KPNB1: variants seen among roughly 807,000 people sequenced by gnomAD.
KPNB1 encodes the protein importin subunit beta-1.
KPNB1 carries 7 observed loss-of-function variants against 113.0 expected under a neutral mutation model. The ratio of observed to expected loss-of-function variants is 0.06; its 90% CI spans 0.04 to 0.12. KPNB1 has a LOEUF of 0.12. Ranked by LOEUF, KPNB1 falls within the 10% of genes least tolerant of loss-of-function variation. The pLI is 1.00. For synonymous variants in KPNB1, 363 were observed against 378.6 expected, an observed-to-expected ratio of 0.96 and a Z score of 0.48; for missense variants, 400 against 1,054.8, an observed-to-expected ratio of 0.38 and a Z score of 8.60.
intron 13 of KPNB1, 117 bp downstream of exon 13, chr17:47,673,282 A>C: frequency 9.1e-7 from 1 of 1,102,556 alleles, no homozygotes; most frequent in East Asian, 2.4e-5. Flanking sequence ...TTTCTCAGAA[A>C]GATAATAAAG....
chr17:47,681,080 T>C (rs2030759920), intron 21 of KPNB1, among the ~76,000 whole-genome samples: 1 of 151,426 alleles, frequency 6.6e-6, no homozygotes, highest in East Asian at 1.9e-4. Flanking sequence ...TGTGTGTGTG[T>C]TTTCTTTTTG....
intron 21 of KPNB1, among the ~76,000 whole-genome samples, chr17:47,681,957 C>G (rs1038231087): frequency 6.6e-6 from 1 of 152,120 alleles, no homozygotes; most frequent in Non-Finnish European, 1.5e-5. Flanking sequence ...CTCAGCCTCC[C>G]AGGTGGTTGG....
At chr17:47,675,358 G>GTTTTTTTTTTTTTTTTTTTTTTTTTTT (rs1555619221) in intron 15 of KPNB1, among the ~76,000 whole-genome samples, 3 of 88,858 alleles carry the variant, frequency 3.4e-5, no homozygotes, top group Non-Finnish European at 4.9e-5. Flanking sequence ...TGGCAGAGGT[G>GTTTTTTTTTTTTTTTTTTTTTTTTTTT]TTGTTTTTTT....
intron 18 of KPNB1, 38 bp from the exon 19 acceptor site, chr17:47,678,270 A>G (rs2030670672): frequency 1.2e-6 from 2 of 1,609,104 alleles, no homozygotes; most frequent in Non-Finnish European, 1.7e-6. Flanking sequence ...GCTAAAAGTG[A>G]TCAGTGTGAT....
intron 5 of KPNB1, among the ~76,000 whole-genome samples, chr17:47,660,189 T>TA (rs983442463): frequency 5.8e-4 from 89 of 152,276 alleles, no homozygotes; most frequent in African/African-American, 1.9e-3. Context: ...TCTAACGAAA[T>TA]ACCTTACGTA....
chr17:47,670,974 C>A (rs989140236), intron 12 of KPNB1, 142 bp downstream of exon 12: 1 of 787,944 alleles, frequency 1.3e-6, no homozygotes, highest in Non-Finnish European at 1.9e-6. Flanking sequence ...AAAAGAAACC[C>A]GCTGGGCGCG....
At chr17:47,652,597 C>T (rs1368865573) in intron 2 of KPNB1, 97 bp from the exon 3 acceptor site, 2 of 940,170 alleles carry the variant, frequency 2.1e-6, no homozygotes. Context: ...AGTTCCCCCC[C>T]TCGCCGCCCC....
In KPNB1 at chr17:47,650,362, C is replaced by G. The variant is rs377729225; in HGVS notation, c.41-24C>G. Reference sequence around the variant, plus strand: ...AGGCCCGGCCCCTCTGACCCCGCTCCGTCTCCCACTTTCCTCCCCCTAGAT... The same window carrying G: ...AGGCCCGGCCCCTCTGACCCCGCTCGGTCTCCCACTTTCCTCCCCCTAGAT... On this transcript the variant is annotated intron_variant, in intron 1 of 21. Coordinates refer to ENST00000290158, the MANE Select transcript of KPNB1 (RefSeq NM_002265.6). 6 of 1,611,282 alleles carry G rather than the reference C, an allele frequency of 3.7e-6. No homozygotes were observed. The East Asian group carries it at 8.9e-5, about 24-fold the overall frequency.
At chr17:47,681,110 C>T (rs1221127263) in intron 21 of KPNB1, among the ~76,000 whole-genome samples, 2 of 151,904 alleles carry the variant, frequency 1.3e-5, no homozygotes, top group Admixed American at 6.6e-5. Context: ...CTCACTGTCG[C>T]CCAGGCTGGA....
intron 17 of KPNB1, among the ~76,000 whole-genome samples, chr17:47,677,457 A>G (rs2030647659): frequency 6.9e-6 from 1 of 144,084 alleles, no homozygotes. Flanking sequence ...GGGCAAGAAG[A>G]GCCAAACTCC....
At position 47,663,133 on chromosome 17, in the gene KPNB1, A is replaced by G. The variant is rs1831442570; in HGVS notation, c.741A>G (p.Leu247=). 1 of 1,599,660 alleles carries G rather than the reference A, an allele frequency of 6.3e-7. No individual in the cohort carries two copies. Among genetic ancestry groups the G allele is most frequent in the Non-Finnish European group, 8.6e-7 (1 of 1,167,000 alleles). The part of the protein sequence containing the change: ...ALQNLVKIMS[L]YYQYMETYMG... Reference sequence around the variant, plus strand: ...AGAATCTGGTGAAGATAATGTCCTTATATTATCAGTACATGGAGACATATA... The same window carrying G: ...AGAATCTGGTGAAGATAATGTCCTTGTATTATCAGTACATGGAGACATATA... The change falls in exon 7 of 22, where the codon TTA becomes TTG. Residue 247 remains leucine, a synonymous_variant. Coordinates refer to ENST00000290158, the MANE Select transcript of KPNB1 (RefSeq NM_002265.6).
chr17:47,650,684 C>T (rs957475823), intron 2 of KPNB1, among the ~76,000 whole-genome samples: 1 of 152,172 alleles, frequency 6.6e-6, no homozygotes, highest in African/African-American at 2.4e-5. Context: ...TGCCTGCCGC[C>T]CAATCGTTGC....
At chr17:47,658,387 C>A (rs1239590764) in intron 4 of KPNB1, 121 bp from the exon 5 acceptor site, 1 of 1,065,116 alleles carries the variant, frequency 9.4e-7, no homozygotes, top group East Asian at 2.6e-5. Context: ...AGTACAGATG[C>A]AACCATCCAT....
chr17:47,656,438 C>G (rs2029909038), intron 3 of KPNB1, among the ~76,000 whole-genome samples: 1 of 152,164 alleles, frequency 6.6e-6, no homozygotes, highest in Non-Finnish European at 1.5e-5. Flanking sequence ...GTCTAAGCTA[C>G]TCAGGGAGGC....
rs867286362 is a variant in KPNB1, at chr17:47,677,059, C to T, written c.2035C>T (p.Arg679Cys). The change falls in exon 17 of 22, where the codon CGT (arginine) becomes TGT (cysteine). Residue 679 changes from arginine (R) to cysteine (C), a missense_variant. Arg to Cys is a radical substitution (Grantham distance 180). Coordinates refer to ENST00000290158, the MANE Select transcript of KPNB1 (RefSeq NM_002265.6). ...AAVGLVGDLCRALQSNIIPFC... is the reference protein window; with the variant it reads ...AAVGLVGDLCCALQSNIIPFC... ...TGTGGGCTTAGTGGGAGACTTGTGC[C>T]GTGCCCTGCAATCCAACATCATACC... 6.2e-7 allele frequency: 1 copy of T among 1,613,978 alleles called. No individual in the cohort carries two copies. The highest frequency in any genetic ancestry group is 8.5e-7 in the Non-Finnish European group (1 of 1,179,992).
intron 2 of KPNB1, among the ~76,000 whole-genome samples, chr17:47,652,069 C>T (rs897034273): frequency 7.9e-5 from 12 of 151,952 alleles, no homozygotes; most frequent in Admixed American, 2.0e-4. Flanking sequence ...TCATTGTTCC[C>T]TTTTTGCTGA....
At chr17:47,650,828 C>A (rs1915540164) in intron 2 of KPNB1, among the ~76,000 whole-genome samples, 1 of 152,128 alleles carries the variant, frequency 6.6e-6, no homozygotes, top group Non-Finnish European at 1.5e-5. Context: ...GCTCCGGGCC[C>A]GGCCGCCCGC....
intron 8 of KPNB1, 137 bp from the exon 9 acceptor site, chr17:47,664,920 A>G: frequency 1.5e-6 from 1 of 675,886 alleles, no homozygotes; most frequent in East Asian, 2.7e-5. Context: ...AGCACTTTCC[A>G]AGATCACATT....
In KPNB1 at chr17:47,682,649, G is replaced by T; in HGVS notation, c.*245G>T. 1 of 523,852 alleles carries T rather than the reference G, an allele frequency of 1.9e-6. No homozygotes were observed. Among genetic ancestry groups the T allele is most frequent in the Non-Finnish European group, 3.4e-6 (1 of 295,680 alleles). 32.5% of individuals were successfully genotyped at this position (523,852 alleles called of 1,614,324 possible). ...AGAAAACCATAACATCGGCCATCTTGGAAAAGAGAAAAACAATGGAGTTAC... is the reference window on the plus strand; with the variant it reads ...AGAAAACCATAACATCGGCCATCTTTGAAAAGAGAAAAACAATGGAGTTAC... On this transcript the variant is annotated 3_prime_UTR_variant, in exon 22 of 22. Coordinates refer to ENST00000290158, the MANE Select transcript of KPNB1 (RefSeq NM_002265.6).
Sources: allele counts gnomAD v4.1 joint callset (sites outside exome capture counted in the v4.1 genomes callset), GRCh38; gene constraint gnomAD v4.1.1; transcripts MANE v1.5; gene names NCBI Gene and HGNC (gene_info 2026-07-23, HGNC 2026-07-21).